Variants in CSMD1 observed in about 807,000 individuals in gnomAD.
CSMD1 encodes CUB and sushi domain-containing protein 1.
CSMD1 carries 213 observed loss-of-function variants against 417.5 expected under a neutral mutation model. The ratio of observed to expected loss-of-function variants is 0.51; its 90% CI spans 0.46 to 0.57. The LOEUF is 0.57. Ranked by LOEUF, CSMD1 falls within the 20% of genes least tolerant of loss-of-function variation. The pLI, the probability that CSMD1 is intolerant of heterozygous loss-of-function variation, is 0.00. For synonymous variants in CSMD1, 2,862 were observed against 1,736.8 expected (o/e 1.65, Z -16.11); for missense variants, 6,923 against 4,529.7 (o/e 1.53, Z -15.17).
At chr8:4,751,922 G>A (rs1811359372) in intron 1 of CSMD1, among the ~76,000 whole-genome samples, 1 of 152,158 alleles carries the variant, frequency 6.6e-6, no homozygotes, top group Non-Finnish European at 1.5e-5. Context: ...TCCAGAGTCA[G>A]GAAGATCCAT....
intron 3 of CSMD1, among the ~76,000 whole-genome samples, chr8:4,268,589 C>A (rs1443994514): frequency 6.6e-6 from 1 of 152,092 alleles, no homozygotes; most frequent in African/African-American, 2.4e-5. Context: ...TTTCCAAAGA[C>A]TTATTTTTGC....
At chr8:4,793,166 T>A (rs1797785297) in intron 1 of CSMD1, among the ~76,000 whole-genome samples, 1 of 152,108 alleles carries the variant, frequency 6.6e-6, no homozygotes, top group Admixed American at 6.6e-5. Flanking sequence ...ACCTTCAATG[T>A]CCTTGATCAT....
intron 11 of CSMD1, among the ~76,000 whole-genome samples, chr8:3,481,160 A>G (rs1306869620): frequency 6.7e-6 from 1 of 149,390 alleles, no homozygotes; most frequent in Non-Finnish European, 1.5e-5. Flanking sequence ...ATCTCAAAAA[A>G]AAAAAAAAAA....
chr8:4,080,793 T>G (rs925360995), intron 3 of CSMD1, among the ~76,000 whole-genome samples: 4 of 152,184 alleles, frequency 2.6e-5, no homozygotes, highest in Admixed American at 2.0e-4. Flanking sequence ...CACCCCTCTC[T>G]AAGTATTTGA....
At chr8:3,643,223 A>ATT (rs1372181967) in intron 7 of CSMD1, among the ~76,000 whole-genome samples, 3 of 152,144 alleles carry the variant, frequency 2.0e-5, no homozygotes, top group Non-Finnish European at 4.4e-5. Flanking sequence ...TGGTGACCAT[A>ATT]TTGTGGTGAA....
chr8:3,564,035 A>G (rs112407953), intron 10 of CSMD1, among the ~76,000 whole-genome samples: 3,892 of 152,214 alleles, frequency 0.026, 174 homozygotes, highest in African/African-American at 0.085. Context: ...TTGTAGTTGT[A>G]TATATTTTGG....
intron 3 of CSMD1, among the ~76,000 whole-genome samples, chr8:4,081,320 T>G (rs76503499): frequency 0.021 from 3,161 of 152,274 alleles, 44 homozygotes; most frequent in Non-Finnish European, 0.033. Context: ...CCCTCCCACG[T>G]TGAATAGGTT....
At chr8:3,718,421 G>C (rs1394323518) in intron 6 of CSMD1, among the ~76,000 whole-genome samples, 1 of 152,030 alleles carries the variant, frequency 6.6e-6, no homozygotes, top group Admixed American at 6.6e-5. Context: ...CCTTTCCTTG[G>C]TCAGGAAAAT....
intron 1 of CSMD1, among the ~76,000 whole-genome samples, chr8:4,680,540 T>C (rs1299739232): frequency 6.6e-6 from 1 of 152,142 alleles, no homozygotes; most frequent in Non-Finnish European, 1.5e-5. Flanking sequence ...GAACTGCTGA[T>C]GGTGAGCCAG....
At chr8:4,052,824 G>A (rs1338602600) in intron 3 of CSMD1, among the ~76,000 whole-genome samples, 1 of 152,018 alleles carries the variant, frequency 6.6e-6, no homozygotes, top group African/African-American at 2.4e-5. Flanking sequence ...GCAGATTTGG[G>A]GCAGGGCCTA....
chr8:4,526,470 A>T (rs945025769), intron 2 of CSMD1, among the ~76,000 whole-genome samples: 3 of 152,208 alleles, frequency 2.0e-5, no homozygotes, highest in Non-Finnish European at 4.4e-5. Context: ...GATTTTTTAC[A>T]TCAGGTAATT....
At chr8:3,954,000 T>A (rs1811757135) in intron 5 of CSMD1, among the ~76,000 whole-genome samples, 1 of 152,064 alleles carries the variant, frequency 6.6e-6, no homozygotes, top group Non-Finnish European at 1.5e-5. Flanking sequence ...TGGTGATGCC[T>A]CCAGGTCTCA....
At chr8:4,871,122 T>C (rs1802713189) in intron 1 of CSMD1, among the ~76,000 whole-genome samples, 1 of 152,048 alleles carries the variant, frequency 6.6e-6, no homozygotes, top group African/African-American at 2.4e-5. Context: ...GGCTGGGAGA[T>C]AGGTGCAGCC....
At chr8:3,516,037 G>T (rs965970309) in intron 10 of CSMD1, among the ~76,000 whole-genome samples, 3 of 152,150 alleles carry the variant, frequency 2.0e-5, no homozygotes, top group Admixed American at 2.0e-4. Flanking sequence ...CTGTGGAGAT[G>T]ATCCTATTAG....
At chr8:4,227,510 A>T (rs1392736679) in intron 3 of CSMD1, among the ~76,000 whole-genome samples, 1 of 152,098 alleles carries the variant, frequency 6.6e-6, no homozygotes, top group Non-Finnish European at 1.5e-5. Flanking sequence ...GGAGCGCATT[A>T]AATCCACACA....
intron 2 of CSMD1, among the ~76,000 whole-genome samples, chr8:4,440,891 G>A (rs572421241): frequency 6.6e-6 from 1 of 151,458 alleles, no homozygotes; most frequent in South Asian, 2.1e-4. Flanking sequence ...CAGCTACTTG[G>A]GAGACTGAGG....
At chr8:3,063,524 G>A (rs6558707) in intron 49 of CSMD1, among the ~76,000 whole-genome samples, 6,078 of 152,218 alleles carry the variant, frequency 0.04, 400 homozygotes, top group African/African-American at 0.14. Flanking sequence ...TTAAAAACTT[G>A]TACAGTTATG....
chr8:4,797,898 A>C (rs1464007982), intron 1 of CSMD1, among the ~76,000 whole-genome samples: 2 of 152,360 alleles, frequency 1.3e-5, no homozygotes, highest in South Asian at 2.1e-4. Flanking sequence ...AATACTTATA[A>C]AATTCCACAG....
Position 3,997,843 on chromosome 8 carries a change from G to A in CSMD1, c.818+60C>T, listed in dbSNP as rs991644840. The A allele has an allele frequency of 2.1e-6, 3 of 1,407,740 alleles. No individual in the cohort carries two copies. In the African/African-American group the frequency reaches 4.7e-5, roughly 22 times the overall value. The allele number at this position is 1,407,740 out of a possible 1,614,324, so 87.2% of individuals were successfully genotyped here. A position where few individuals can be genotyped will look rare whatever the true frequency, so the allele number is the denominator to read the frequency against. On this transcript the variant is annotated intron_variant, in intron 5 of 69. Coordinates refer to ENST00000635120, the MANE Select transcript of CSMD1 (RefSeq NM_033225.6). ...AGACAAGCAATTCTTGAAGCTCGTT[G>A]GGGGAAAAAACGGGGAAAACACACC...
Sources: allele counts gnomAD v4.1 joint callset (sites outside exome capture counted in the v4.1 genomes callset), GRCh38; gene constraint gnomAD v4.1.1; transcripts MANE v1.5; gene names NCBI Gene and HGNC (gene_info 2026-07-23, HGNC 2026-07-21).